The following ATP13A4 variants were observed in gnomAD, a reference collection of about 807,000 sequenced individuals.
ATP13A4 encodes the protein probable cation-transporting ATPase 13A4.
In ATP13A4, 114 loss-of-function variants were observed where a neutral mutation model predicts 142.5. That is an observed-to-expected ratio of 0.80 (90% CI 0.69 to 0.93). ATP13A4 has a LOEUF of 0.93. Among genes scored for constraint, ATP13A4 ranks in the 40% least tolerant of loss-of-function variants. ATP13A4 has a pLI of 0.00. For synonymous variants in ATP13A4, 488 were observed against 514.8 expected, an observed-to-expected ratio of 0.95 and a Z score of 0.70; for missense variants, 1,392 against 1,454.0, an observed-to-expected ratio of 0.96 and a Z score of 0.69.
chr3:193,438,911 G>T, intron 22 of ATP13A4, 112 bp downstream of exon 22: 1 of 1,157,986 alleles, frequency 8.6e-7, no homozygotes. Flanking sequence ...CCTCTAAAGG[G>T]CTCGAGTATA....
intron 1 of ATP13A4, among the ~76,000 whole-genome samples, chr3:193,544,284 C>A (rs373194262): frequency 2.9e-4 from 44 of 152,210 alleles, no homozygotes; most frequent in African/African-American, 1.0e-3. Context: ...ATTCTGAAAC[C>A]AGGATTCTAC....
intron 19 of ATP13A4, among the ~76,000 whole-genome samples, chr3:193,441,807 C>T (rs1716660454): frequency 6.6e-6 from 1 of 152,150 alleles, no homozygotes. Context: ...CTGTTTTCAT[C>T]GTGATTTGAT....
rs748768301 is a variant in ATP13A4 at position 193,462,802 on chromosome 3, C to T, written c.1483G>A (p.Gly495Ser). The change falls in exon 13 of 30, where the codon GGC becomes AGC. Residue 495 changes from glycine to serine, a missense_variant. Gly to Ser is a moderately conservative substitution (Grantham distance 56, BLOSUM62 0). Coordinates refer to ENST00000342695, the MANE Select transcript of ATP13A4 (RefSeq NM_032279.4). ...GACACGACTCCCCAGAGGTCCAAGC[C>T]GTCCCTTGTTAAGGTGCCTGTCTAA... Reference protein sequence around the residue: ...FDKTGTLTRDGLDLWGVVSCD... With the variant: ...FDKTGTLTRDSLDLWGVVSCD... The T allele has an allele frequency of 1.2e-5, 19 of 1,613,830 alleles. No homozygotes were observed. The highest frequency in any genetic ancestry group is 1.6e-5 in the Non-Finnish European group (19 of 1,179,930).
intron 1 of ATP13A4, among the ~76,000 whole-genome samples, chr3:193,541,211 T>C (rs1280190622): frequency 2.3e-5 from 3 of 131,916 alleles, no homozygotes; most frequent in Non-Finnish European, 4.7e-5. Flanking sequence ...ATCGAGCCAC[T>C]GCACTCCAGC....
intron 1 of ATP13A4, among the ~76,000 whole-genome samples, chr3:193,547,150 C>T (rs1278033160): frequency 6.6e-6 from 1 of 152,172 alleles, no homozygotes; most frequent in Non-Finnish European, 1.5e-5. Flanking sequence ...ATTTAAATAT[C>T]TATTAAATCC....
At chr3:193,411,317 C>T (rs1004132303) in intron 27 of ATP13A4, among the ~76,000 whole-genome samples, 4 of 152,120 alleles carry the variant, frequency 2.6e-5, no homozygotes, top group African/African-American at 9.7e-5. Context: ...AGTAGATATA[C>T]ATAGGGTAAC....
At chr3:193,434,601 G>T (rs949154334) in intron 24 of ATP13A4, among the ~76,000 whole-genome samples, 28 of 152,184 alleles carry the variant, frequency 1.8e-4, no homozygotes, top group Admixed American at 1.8e-3. Context: ...CAGTGAGTAG[G>T]AAAAGATATA....
chr3:193,454,103 C>T lies in ATP13A4; in HGVS notation c.2025G>A (p.Thr675=), dbSNP rs200015919. The change falls in exon 17 of 30, where the codon ACG becomes ACA. Residue 675 remains threonine (T), a splice_region_variant and synonymous_variant. Coordinates refer to ENST00000342695, the MANE Select transcript of ATP13A4 (RefSeq NM_032279.4). ...LENDHHATTL[T]RETVESDLIF... is the part of the protein sequence containing the mutation. ...TTATCAAAATCATCCCCATTTACCT[C>T]GTCAAGGTAGTAGCGTGATGGTCAT... The T allele has an allele frequency of 1.0e-5, 16 of 1,606,344 alleles. No individual in the cohort carries two copies. The highest frequency in any genetic ancestry group is 9.4e-5 in the African/African-American group (7 of 74,732).
At chr3:193,547,781 G>T (rs1723309447) in intron 1 of ATP13A4, among the ~76,000 whole-genome samples, 1 of 151,472 alleles carries the variant, frequency 6.6e-6, no homozygotes, top group Non-Finnish European at 1.5e-5. Context: ...CGCTCAGAAG[G>T]TCCCTACACT....
At chr3:193,529,571 T>G (rs1434012644) in intron 1 of ATP13A4, among the ~76,000 whole-genome samples, 1 of 151,978 alleles carries the variant, frequency 6.6e-6, no homozygotes, top group Non-Finnish European at 1.5e-5. Flanking sequence ...CACTCGTCAT[T>G]GTGCAAGAGT....
At chr3:193,434,776 G>A (rs1238015428) in intron 24 of ATP13A4, among the ~76,000 whole-genome samples, 1 of 151,884 alleles carries the variant, frequency 6.6e-6, no homozygotes, top group African/African-American at 2.4e-5. Flanking sequence ...TGATGTGCAT[G>A]TTTTTTTCTC....
At chr3:193,434,775 TG>T (rs1442921165) in intron 24 of ATP13A4, among the ~76,000 whole-genome samples, 5 of 152,066 alleles carry the variant, frequency 3.3e-5, no homozygotes, top group African/African-American at 1.2e-4. Context: ...ATGATGTGCA[TG>T]TTTTTTTCTC....
At chr3:193,571,761 G>A (rs970577344) in intron 2 of ATP13A4, among the ~76,000 whole-genome samples, 7 of 152,048 alleles carry the variant, frequency 4.6e-5, no homozygotes, top group Admixed American at 2.6e-4. Context: ...GAAATGTCAT[G>A]GTCTAGGTGA....
chr3:193,476,516 C>T (rs6808860), intron 8 of ATP13A4, among the ~76,000 whole-genome samples: 75,091 of 151,816 alleles, frequency 0.49, 19,054 homozygotes, highest in African/African-American at 0.61. Flanking sequence ...GTGTTCACTT[C>T]TGGAGAAGCG....
At chr3:193,540,731 C>T (rs1433193028) in intron 1 of ATP13A4, among the ~76,000 whole-genome samples, 1 of 150,944 alleles carries the variant, frequency 6.6e-6, no homozygotes, top group Non-Finnish European at 1.5e-5. Context: ...GGGAAATATA[C>T]GTAATTACAT....
chr3:193,407,289 G>A, intron 29 of ATP13A4, 24 bp downstream of exon 29: 1 of 1,586,034 alleles, frequency 6.3e-7, no homozygotes, highest in African/African-American at 1.3e-5. Context: ...CACAAGATCA[G>A]CAGCCCAAGA....
chr3:193,509,601 C>T (rs1479368325), intron 2 of ATP13A4, among the ~76,000 whole-genome samples: 1 of 152,194 alleles, frequency 6.6e-6, no homozygotes, highest in Non-Finnish European at 1.5e-5. Context: ...CAATGACATA[C>T]TGCTTTATAA....
At chr3:193,581,635 G>C (rs999759846) in intron 2 of ATP13A4, 4 of 152,060 alleles carry the variant, frequency 2.6e-5, no homozygotes, top group Non-Finnish European at 2.9e-5. Context: ...TGTTTAGGTG[G>C]CAGGAATTAT....
intron 3 of ATP13A4, among the ~76,000 whole-genome samples, chr3:193,499,879 G>A (rs929020682): frequency 2.0e-5 from 3 of 152,118 alleles, no homozygotes; most frequent in Non-Finnish European, 4.4e-5. Context: ...CAGCAATAAT[G>A]AGAAATAAAG....
Sources: gnomAD v4.1 joint callset for allele counts (sites outside exome capture counted in the v4.1 genomes callset) on GRCh38, gnomAD v4.1.1 for gene constraint, MANE v1.5 for transcripts, NCBI Gene and HGNC (gene_info 2026-07-23, HGNC 2026-07-21) for gene names.